Variants in TTLL6 observed in about 807,000 individuals in gnomAD.
TTLL6 encodes tubulin polyglutamylase TTLL6.
In TTLL6, 75 loss-of-function variants were observed where a neutral mutation model predicts 96.4. That is an observed-to-expected ratio of 0.78 (90% CI 0.65 to 0.94). The LOEUF is 0.94. Among genes scored for constraint, TTLL6 ranks in the 40% least tolerant of loss-of-function variants. The probability of loss-of-function intolerance (pLI) is 0.00; values close to 1 mark genes in which losing one functional copy is unlikely to be tolerated. For synonymous variants in TTLL6, 411 were observed against 419.4 expected (o/e 0.98, Z 0.24); for missense variants, 1,030 against 1,093.0 (o/e 0.94, Z 0.81).
intron 14 of TTLL6, 147 bp from the exon 15 acceptor site, chr17:48,769,401 T>C: frequency 9.6e-7 from 1 of 1,041,922 alleles, no homozygotes; most frequent in Non-Finnish European, 1.4e-6. Context: ...GCTCCTTTTC[T>C]CCAAATAGTT....
chr17:48,810,898 T>C (rs2039580926), intron 1 of TTLL6, among the ~76,000 whole-genome samples: 1 of 140,898 alleles, frequency 7.1e-6, no homozygotes, highest in Non-Finnish European at 1.5e-5. Flanking sequence ...AACTAGAAAA[T>C]GCAGATTTCC....
chr17:48,784,012 T>C (rs2039038780), intron 13 of TTLL6, among the ~76,000 whole-genome samples: 1 of 152,140 alleles, frequency 6.6e-6, no homozygotes, highest in African/African-American at 2.4e-5. Context: ...TGTGACCTTA[T>C]TTGGAGAGAG....
chr17:48,798,817 CTTT>C (rs546272759), intron 6 of TTLL6, among the ~76,000 whole-genome samples: 45 of 116,912 alleles, frequency 3.8e-4, no homozygotes, highest in Admixed American at 6.6e-4. Flanking sequence ...TGTTGCAGTT[CTTT>C]TTTTTTTTTT....
chr17:48,797,744 C>T (rs1036752960), intron 6 of TTLL6, among the ~76,000 whole-genome samples: 15 of 144,688 alleles, frequency 1.0e-4, no homozygotes, highest in Admixed American at 2.1e-4. Flanking sequence ...GCCAAGTTCA[C>T]GCCACTTCAC....
rs1380676202 is a variant in TTLL6, at chr17:48,810,768, ATATAG to A, written c.104-5782_104-5778del. 5.7e-5 allele frequency among the ~76,000 whole-genome samples: 8 copies of A among 140,798 alleles called. No individual in the cohort carries two copies. The Middle Eastern group carries it at 0.011, about 194-fold the overall frequency. 92.4% of individuals were successfully genotyped at this position (140,798 alleles called of 152,430 possible). ...ATATATATAGTACATATATACACAT[ATATAG>A]TATGTGTGTATATATATATAGTACA... On this transcript the variant is annotated intron_variant, in intron 1 of 15. Coordinates refer to ENST00000393382, the MANE Select transcript of TTLL6 (RefSeq NM_001130918.3).
At chr17:48,783,203 A>T (rs1406800683) in intron 13 of TTLL6, among the ~76,000 whole-genome samples, 2 of 152,008 alleles carry the variant, frequency 1.3e-5, no homozygotes, top group Admixed American at 6.6e-5. Context: ...ATGGTGAAAA[A>T]TTTTGAAAAG....
At chr17:48,787,665 G>A in intron 11 of TTLL6, 146 bp downstream of exon 11, 1 of 707,998 alleles carries the variant, frequency 1.4e-6, no homozygotes. Context: ...TAAAGTGCTA[G>A]GACTACAGGC....
intron 1 of TTLL6, among the ~76,000 whole-genome samples, chr17:48,813,391 CAATA>C (rs1255354146): frequency 2.0e-5 from 3 of 151,900 alleles, no homozygotes; most frequent in Non-Finnish European, 2.9e-5. Flanking sequence ...CCCACTCTAC[CAATA>C]AATAAATAAA....
rs139329753 is a variant in TTLL6, at chr17:48,769,871, G to A, written c.2267C>T (p.Pro756Leu). ...CTTTAGCAAAGTCCAGTTTGTGTTC[G>A]GACTCTCCCAGAAGCTCTTGGATTT... ...PTKSKSFWES[P>L]NTNWTLLKSD... The change falls in exon 14 of 16, where the codon CCG becomes CTG. Residue 756 changes from proline to leucine, a missense_variant. Transcript: ENST00000393382. The A allele has an allele frequency of 7.4e-5, 120 of 1,614,062 alleles. No individual in the cohort carries two copies. The highest frequency in any genetic ancestry group is 1.1e-4 in the East Asian group (5 of 44,902).
At chr17:48,781,235 T>TG (rs1212132708) in intron 13 of TTLL6, among the ~76,000 whole-genome samples, 5 of 151,518 alleles carry the variant, frequency 3.3e-5, no homozygotes, top group Non-Finnish European at 7.4e-5. Flanking sequence ...TTAGTAGAGA[T>TG]GGGGTTTCAT....
chr17:48,786,262 C>G lies in TTLL6; in HGVS notation c.1663G>C (p.Gly555Arg), dbSNP rs867148389. 6.2e-7 allele frequency: 1 copy of G among 1,614,242 alleles called. No homozygotes were observed. Among genetic ancestry groups the G allele is most frequent in the Admixed American group, 1.7e-5 (1 of 60,028 alleles). Residue 555 changes from glycine to arginine, a missense_variant, in exon 12 of 16, where the codon GGG (glycine) becomes CGG (arginine). By Grantham distance (125) the Gly-to-Arg change is moderately radical (BLOSUM62 -2). Coordinates refer to ENST00000393382, the MANE Select transcript of TTLL6 (RefSeq NM_001130918.3). ...FQMKKKVEMQ[G>R]ESAGEQVRKK... Reference sequence around the variant, plus strand: ...CTCACTTGCTCGCCTGCCGATTCCCCCTGCATCTCTACCTTCTTCTTCATT... The same window carrying G: ...CTCACTTGCTCGCCTGCCGATTCCCGCTGCATCTCTACCTTCTTCTTCATT...
At chr17:48,782,227 C>A (rs1170232258) in intron 13 of TTLL6, among the ~76,000 whole-genome samples, 1 of 151,318 alleles carries the variant, frequency 6.6e-6, no homozygotes, top group Non-Finnish European at 1.5e-5. Context: ...TGCCTCAGCT[C>A]CCCGAGTAGC....
chr17:48,782,449 C>T (rs2039008111), intron 13 of TTLL6, among the ~76,000 whole-genome samples: 1 of 152,124 alleles, frequency 6.6e-6, no homozygotes, highest in African/African-American at 2.4e-5. Context: ...GCCACTGCAC[C>T]CTGCCCTGGT....
At chr17:48,790,682 A>T (rs963267721) in intron 9 of TTLL6, among the ~76,000 whole-genome samples, 1 of 152,154 alleles carries the variant, frequency 6.6e-6, no homozygotes, top group African/African-American at 2.4e-5. Flanking sequence ...TCTTCCCACC[A>T]CACCTACAAG....
chr17:48,788,117 T>A (rs1597980539), intron 10 of TTLL6, 118 bp from the exon 11 acceptor site: 3 of 892,192 alleles, frequency 3.4e-6, no homozygotes, highest in Admixed American at 2.3e-5. Context: ...ATAATGGCGG[T>A]CAATCAGGAT....
chr17:48,771,339 A>G (rs1221850125), intron 13 of TTLL6, among the ~76,000 whole-genome samples: 1 of 151,952 alleles, frequency 6.6e-6, no homozygotes, highest in Non-Finnish European at 1.5e-5. Flanking sequence ...AATAAAAATA[A>G]CTCTTTAGGC....
chr17:48,782,187 C>A (rs894611832), intron 13 of TTLL6, among the ~76,000 whole-genome samples: 1 of 150,692 alleles, frequency 6.6e-6, no homozygotes, highest in Non-Finnish European at 1.5e-5. Flanking sequence ...CTCACTGCAA[C>A]CTCTGCCTCC....
In TTLL6 at chr17:48,804,774, C is replaced by G. The variant is rs539031848; in HGVS notation, c.321G>C (p.Lys107Asn). 1 of 1,552,150 alleles carries G rather than the reference C, an allele frequency of 6.4e-7. No homozygotes were observed. The highest frequency in any genetic ancestry group is 1.2e-5 in the South Asian group (1 of 84,054). ...QQQGKKKRKKKRLVINLSSCR... is the reference protein window; with the variant it reads ...QQQGKKKRKKNRLVINLSSCR... ...ATTCCCCAGCTTTCAATCCTAACCT[C>G]TTTTTCTTCCTCTTCTTCTTGCCTT... The change falls in exon 2 of 16, where the codon AAG (lysine) becomes AAC (asparagine). Residue 107 changes from lysine to asparagine, a missense_variant and splice_region_variant. Transcript: ENST00000393382.
At chr17:48,778,156 A>G (rs979889883) in intron 13 of TTLL6, among the ~76,000 whole-genome samples, 1 of 152,012 alleles carries the variant, frequency 6.6e-6, no homozygotes, top group Non-Finnish European at 1.5e-5. Flanking sequence ...GTGTACCTGT[A>G]GTCCCAGCTA....
Sources: gnomAD v4.1 joint callset for allele counts (sites outside exome capture counted in the v4.1 genomes callset) on GRCh38, gnomAD v4.1.1 for gene constraint, MANE v1.5 for transcripts, NCBI Gene and HGNC (gene_info 2026-07-23, HGNC 2026-07-21) for gene names.